Variants in CDH11 observed in about 807,000 individuals in gnomAD.
CDH11 encodes the protein cadherin 11.
In CDH11, 11 loss-of-function variants were observed where a neutral mutation model predicts 67.8. The observed-to-expected ratio is 0.16, with a 90% CI of 0.10 to 0.27. CDH11 has a LOEUF of 0.27. Ranked by LOEUF, CDH11 falls within the 10% of genes least tolerant of loss-of-function variation. The pLI is 1.00. For synonymous variants in CDH11, 419 were observed against 400.0 expected (o/e 1.05, Z -0.57); for missense variants, 847 against 1,031.2 (o/e 0.82, Z 2.45).
In CDH11 at chr16:64,950,851, A is replaced by G; in HGVS notation, c.1810T>C (p.Cys604Arg). ...TTCAGAATGTAGGCCTCTGCGTTGC[A>G]GGAGAGCAGTGCCCCGTTCACGTCG... ...GCDVNGALLS[C>R]NAEAYILNAG... Residue 604 changes from cysteine to arginine, a missense_variant, in exon 12 of 13, where the codon TGC (cysteine) becomes CGC (arginine). Around this residue, in one of 2 missense-constraint regions of CDH11, gnomAD observed 612 missense variants for 678.7 expected, o/e 0.90. Transcript: ENST00000268603. 1 of 1,614,206 alleles carries G rather than the reference A, an allele frequency of 6.2e-7. No individual in the cohort carries two copies. The highest frequency in any genetic ancestry group is 2.2e-5 in the East Asian group (1 of 44,868).
intron 7 of CDH11, chr16:64,984,917 T>C (rs549704298): frequency 6.6e-6 from 1 of 152,290 alleles, no homozygotes; most frequent in South Asian, 2.1e-4. Context: ...AAATCAAACA[T>C]AAAAAGAGTT....
chr16:65,085,854 A>G (rs2074688885), intron 1 of CDH11, among the ~76,000 whole-genome samples: 1 of 152,240 alleles, frequency 6.6e-6, no homozygotes, highest in African/African-American at 2.4e-5. Context: ...TTGCCATGTG[A>G]AAGGAAGGTA....
intron 2 of CDH11, among the ~76,000 whole-genome samples, chr16:65,027,284 T>C (rs1425347291): frequency 6.6e-6 from 1 of 152,224 alleles, no homozygotes; most frequent in Non-Finnish European, 1.5e-5. Context: ...CTTTGCTCCA[T>C]TTTTAGAGCA....
chr16:65,053,976 G>C (rs1363776675), intron 1 of CDH11, 48 bp from the exon 2 acceptor site: 2 of 454,694 alleles, frequency 4.4e-6, no homozygotes, highest in South Asian at 3.1e-5. Context: ...GCCATGAATT[G>C]ACCAAGTGAT....
intron 11 of CDH11, among the ~76,000 whole-genome samples, chr16:64,955,634 C>A (rs577856654): frequency 6.6e-6 from 1 of 152,144 alleles, no homozygotes; most frequent in Non-Finnish European, 1.5e-5. Flanking sequence ...AGTCCCATCT[C>A]CTTAGGAGAC....
intron 6 of CDH11, 195 bp downstream of exon 6, chr16:64,991,570 CCTA>C: frequency 1.9e-6 from 1 of 515,586 alleles, no homozygotes; most frequent in Admixed American, 3.1e-5. Context: ...TTTTCATTCT[CCTA>C]CTACCTCTAC....
intron 1 of CDH11, among the ~76,000 whole-genome samples, chr16:65,088,037 C>T (rs1408751545): frequency 1.3e-5 from 2 of 152,084 alleles, no homozygotes; most frequent in African/African-American, 4.8e-5. Flanking sequence ...ACCTAGTACC[C>T]AATATGATGG....
chr16:64,950,710 A>T, intron 12 of CDH11, 57 bp downstream of exon 12: 1 of 1,583,238 alleles, frequency 6.3e-7, no homozygotes, highest in Non-Finnish European at 8.6e-7. Flanking sequence ...CATGTGTTTC[A>T]AGGAGGGGCA....
rs1378356454 is a variant in CDH11 at position 64,982,234 on chromosome 16, G to A, written c.1067C>T (p.Pro356Leu). 1.9e-6 allele frequency: 3 copies of A among 1,613,560 alleles called. No individual in the cohort carries two copies. Among genetic ancestry groups the A allele is most frequent in the Non-Finnish European group, 1.7e-6 (2 of 1,179,548 alleles). Residue 356 changes from proline to leucine, a missense_variant, in exon 8 of 13, where the codon CCG becomes CTG. Coordinates refer to ENST00000268603, the MANE Select transcript of CDH11 (RefSeq NM_001797.4). ...GAAAGGGCCATTGCTGATAAACTTC[G>A]GGTCGATGTGCACGTTGGCTGCCTC... ...KVEAANVHID[P>L]KFISNGPFKD...
At chr16:64,955,711 C>CTACA (rs1253153020) in intron 11 of CDH11, among the ~76,000 whole-genome samples, 2 of 152,100 alleles carry the variant, frequency 1.3e-5, no homozygotes, top group African/African-American at 4.8e-5. Flanking sequence ...TACCACTGCA[C>CTACA]TACACCATGG....
chr16:64,975,285 G>C (rs753158418), intron 8 of CDH11, among the ~76,000 whole-genome samples: 1 of 152,202 alleles, frequency 6.6e-6, no homozygotes, highest in African/African-American at 2.4e-5. Context: ...TCATATGTAA[G>C]AGTGTGACCT....
At chr16:65,001,760 A>G in intron 3 of CDH11, among the ~76,000 whole-genome samples, 1 of 151,280 alleles carries the variant, frequency 6.6e-6, no homozygotes, top group East Asian at 1.9e-4. Flanking sequence ...TGACATGGAT[A>G]CTTACTAGGC....
At chr16:65,094,141 T>C (rs1210288234) in intron 1 of CDH11, among the ~76,000 whole-genome samples, 1 of 152,096 alleles carries the variant, frequency 6.6e-6, no homozygotes, top group Non-Finnish European at 1.5e-5. Context: ...CAAAGGGAAG[T>C]TTTAAAGAAA....
At chr16:65,030,072 C>G (rs1291107277) in intron 2 of CDH11, among the ~76,000 whole-genome samples, 1 of 152,060 alleles carries the variant, frequency 6.6e-6, no homozygotes, top group Non-Finnish European at 1.5e-5. Context: ...ATCATAAGAC[C>G]TTAGGAATGG....
intron 1 of CDH11, among the ~76,000 whole-genome samples, chr16:65,101,646 C>T (rs2074993838): frequency 6.6e-6 from 1 of 152,194 alleles, no homozygotes; most frequent in South Asian, 2.1e-4. Flanking sequence ...ATGAGCAGTG[C>T]TCCTCAGCCA....
chr16:64,991,701 A>T, intron 6 of CDH11, 67 bp downstream of exon 6: 1 of 1,141,308 alleles, frequency 8.8e-7, no homozygotes, highest in Non-Finnish European at 1.3e-6. Context: ...AAGCAGGAAT[A>T]GGTTAGAGGA....
chr16:64,963,814 T>C (rs1437765236), intron 11 of CDH11, among the ~76,000 whole-genome samples: 1 of 152,148 alleles, frequency 6.6e-6, no homozygotes, highest in East Asian at 1.9e-4. Flanking sequence ...AATTAAAGTA[T>C]TGAGAGAAAA....
intron 1 of CDH11, among the ~76,000 whole-genome samples, chr16:65,094,307 G>T (rs1364358353): frequency 6.6e-6 from 1 of 152,084 alleles, no homozygotes; most frequent in East Asian, 1.9e-4. Flanking sequence ...AAATAAAAAT[G>T]CATTCTTGTC....
At chr16:65,013,126 T>A (rs2073216422) in intron 2 of CDH11, among the ~76,000 whole-genome samples, 1 of 152,194 alleles carries the variant, frequency 6.6e-6, no homozygotes, top group South Asian at 2.1e-4. Context: ...CCTAGACGGA[T>A]GTTTTCATCT....
Sources: allele counts gnomAD v4.1 joint callset (sites outside exome capture counted in the v4.1 genomes callset), GRCh38; gene constraint gnomAD v4.1.1; regional missense constraint gnomAD v4.1.1; transcripts MANE v1.5; gene names NCBI Gene and HGNC (gene_info 2026-07-23, HGNC 2026-07-21).